PINK1: variants seen among roughly 807,000 people sequenced by gnomAD.
PINK1 encodes the protein PTEN induced kinase 1.
Under a neutral mutation model 56.0 loss-of-function variants are expected in PINK1, and 58 were observed. The observed-to-expected ratio is 1.04, with a 90% CI of 0.84 to 1.29. The LOEUF (loss-of-function observed/expected upper bound fraction) is 1.29. Among genes scored for constraint, PINK1 ranks in the 50% most tolerant of loss-of-function variants. The pLI, the probability that PINK1 is intolerant of heterozygous loss-of-function variation, is 0.00. For synonymous variants in PINK1, 354 were observed against 339.3 expected, an observed-to-expected ratio of 1.04 and a Z score of -0.48; for missense variants, 745 against 777.9, an observed-to-expected ratio of 0.96 and a Z score of 0.50.
At chr1:20,644,750 C>T (rs367882094) in intron 4 of PINK1, 78 bp downstream of exon 4, 18 of 1,547,382 alleles carry the variant, frequency 1.2e-5, no homozygotes, top group East Asian at 9.2e-5. Context: ...CCATGTGCAC[C>T]TTGATCAGGG....
chr1:20,648,096 A>T (rs2053209616), intron 5 of PINK1, among the ~76,000 whole-genome samples: 1 of 152,168 alleles, frequency 6.6e-6, no homozygotes, highest in South Asian at 2.1e-4. Flanking sequence ...ATTACAGGCC[A>T]CCACACCCGG....
chr1:20,637,890 A>G lies in PINK1; in HGVS notation c.436A>G (p.Arg146Gly). ...SKPGPDPLDTRRLQGFRLEEY... is the reference protein window; with the variant it reads ...SKPGPDPLDTGRLQGFRLEEY... ...GCCGGGGCCTGACCCGTTGGACACG[A>G]GACGCTTGCAGGGCTTTCGGCTGGA... Residue 146 changes from arginine (R) to glycine (G), a missense_variant, in exon 2 of 8, where the codon AGA (arginine) becomes GGA (glycine). Arg to Gly is a moderately radical substitution (Grantham distance 125). Transcript: ENST00000321556. The G allele has an allele frequency of 6.2e-7, 1 of 1,614,188 alleles. No homozygotes were observed. Among genetic ancestry groups the G allele is most frequent in the Non-Finnish European group, 8.5e-7 (1 of 1,180,038 alleles).
At chr1:20,646,473 A>G (rs967509596) in intron 5 of PINK1, among the ~76,000 whole-genome samples, 4 of 151,624 alleles carry the variant, frequency 2.6e-5, no homozygotes, top group African/African-American at 7.3e-5. Flanking sequence ...GTGAAACCCC[A>G]TCTCTACTAA....
Position 20,649,500 on chromosome 1 carries a change from T to C in PINK1, c.1488+269T>C. ...TGTTCAGAGGCCAGACACGGTGGCT[T>C]ACACCTATAATCACAGCACTTTGGG... is the stretch of plus-strand genomic sequence containing the variant. On this transcript the variant is annotated intron_variant, in intron 7 of 7. Coordinates refer to ENST00000321556, the MANE Select transcript of PINK1 (RefSeq NM_032409.3). 3 of 469,694 alleles carry C rather than the reference T, an allele frequency of 6.4e-6. 1 individual carries two copies. The South Asian group carries it at 6.5e-5, about 10-fold the overall frequency. 29.1% of individuals were successfully genotyped at this position (469,694 alleles called of 1,614,324 possible).
intron 1 of PINK1, among the ~76,000 whole-genome samples, chr1:20,636,034 G>A (rs2053053316): frequency 6.6e-6 from 1 of 151,860 alleles, no homozygotes; most frequent in Non-Finnish European, 1.5e-5. Context: ...AGGCATGGTG[G>A]CACATGCCGA....
chr1:20,650,884 A>G lies in PINK1; in HGVS notation c.*193A>G. 1 of 727,678 alleles carries G rather than the reference A, an allele frequency of 1.4e-6. No individual in the cohort carries two copies. Among genetic ancestry groups the G allele is most frequent in the Non-Finnish European group, 2.3e-6 (1 of 440,328 alleles). 45.1% of individuals were successfully genotyped at this position (727,678 alleles called of 1,614,324 possible). A position where few individuals can be genotyped will look rare whatever the true frequency, so the allele number is the denominator to read the frequency against. On this transcript the variant is annotated 3_prime_UTR_variant, in exon 8 of 8. Coordinates refer to ENST00000321556, the MANE Select transcript of PINK1 (RefSeq NM_032409.3). Reference sequence around the variant, plus strand: ...AGTCTGCAGTCCTCTGCTCACAGACATCTGAAAAGTGAATGGCCAAGCTGG... The same window carrying G: ...AGTCTGCAGTCCTCTGCTCACAGACGTCTGAAAAGTGAATGGCCAAGCTGG...
At chr1:20,634,061 G>T (rs1175203403) in intron 1 of PINK1, 126 bp downstream of exon 1, 4 of 1,153,656 alleles carry the variant, frequency 3.5e-6, no homozygotes, top group Non-Finnish European at 4.9e-6. Context: ...CCGAGGCGAG[G>T]GTCCTTAAAG....
At chr1:20,647,466 CT>C (rs34054663) in intron 5 of PINK1, among the ~76,000 whole-genome samples, 8,794 of 72,720 alleles carry the variant, frequency 0.12, 120 homozygotes, top group East Asian at 0.26. Flanking sequence ...TGGGAGTTGG[CT>C]TTTTTTTTTT....
At chr1:20,644,159 AC>A (rs776565723) in intron 3 of PINK1, among the ~76,000 whole-genome samples, 11 of 152,166 alleles carry the variant, frequency 7.2e-5, no homozygotes, top group Non-Finnish European at 1.5e-4. Flanking sequence ...CCAAGGACTT[AC>A]AGTGGCAGAC....
intron 7 of PINK1, 159 bp from the exon 8 acceptor site, chr1:20,650,275 G>A (rs1277953218): frequency 3.2e-6 from 3 of 930,694 alleles, no homozygotes; most frequent in Non-Finnish European, 5.0e-6. Flanking sequence ...GCAGGGGACA[G>A]GCAGTATTTG....
At chr1:20,642,967 TC>T (rs2053132410) in intron 3 of PINK1, 1 of 152,242 alleles carries the variant, frequency 6.6e-6, no homozygotes, top group South Asian at 2.1e-4. Flanking sequence ...GGAATTTCCA[TC>T]AGTTACTGAT....
At chr1:20,633,980 C>A in intron 1 of PINK1, 45 bp downstream of exon 1, 2 of 1,296,872 alleles carry the variant, frequency 1.5e-6, no homozygotes, top group East Asian at 3.6e-5. Flanking sequence ...CGGAGCTAAG[C>A]GCGGGGGCGG....
At position 20,650,811 on chromosome 1, in the gene PINK1, C is replaced by T. The variant is rs1369054024; in HGVS notation, c.*120C>T. 14 of 1,351,678 alleles carry T rather than the reference C, an allele frequency of 1.0e-5. No individual in the cohort carries two copies. Among genetic ancestry groups the T allele is most frequent in the African/African-American group, 2.9e-5 (2 of 69,294 alleles). The allele number at this position is 1,351,678 out of a possible 1,614,324, so 83.7% of individuals were successfully genotyped here. ...GACAGCGCAGAGAGGGCTGGTTAGCCGGAAAAGGCCTCGGGCTTGGCAAAT... is the reference window on the plus strand; with the variant it reads ...GACAGCGCAGAGAGGGCTGGTTAGCTGGAAAAGGCCTCGGGCTTGGCAAAT... On this transcript the variant is annotated 3_prime_UTR_variant, in exon 8 of 8. Transcript: ENST00000321556.
Position 20,637,938 on chromosome 1 carries a change from A to G in PINK1, c.484A>G (p.Ile162Val), listed in dbSNP as rs1280351293. The G allele has an allele frequency of 6.2e-7, 1 of 1,614,194 alleles. No individual in the cohort carries two copies. Among genetic ancestry groups the G allele is most frequent in the Non-Finnish European group, 8.5e-7 (1 of 1,180,038 alleles). The change falls in exon 2 of 8, where the codon ATT (isoleucine) becomes GTT (valine). Residue 162 changes from isoleucine (I) to valine (V), a missense_variant. Ile to Val is a conservative substitution (Grantham distance 29). Transcript: ENST00000321556. ...RLEEYLIGQS[I>V]GKGCSAAVYE... Reference sequence around the variant, plus strand: ...GGAGGAGTATCTGATAGGGCAGTCCATTGGTAAGGGCTGCAGTGCTGCTGT... The same window carrying G: ...GGAGGAGTATCTGATAGGGCAGTCCGTTGGTAAGGGCTGCAGTGCTGCTGT...
chr1:20,648,450 C>T, intron 5 of PINK1, 55 bp from the exon 6 acceptor site: 1 of 1,610,984 alleles, frequency 6.2e-7, no homozygotes, highest in Middle Eastern at 1.7e-4. Context: ...CATAGGAGGG[C>T]CTCTCAGAGG....
intron 7 of PINK1, chr1:20,649,670 C>T (rs545426): frequency 0.39 from 75,529 of 195,144 alleles, 14,764 homozygotes; most frequent in Admixed American, 0.42. Flanking sequence ...GAGGCTGAAG[C>T]AGGAGAATCG....
Position 20,649,247 on chromosome 1 carries a change from G to C in PINK1, c.1488+16G>C. On this transcript the variant is annotated intron_variant, in intron 7 of 7. Transcript: ENST00000321556. ...GGCCAGCAAGGTGAGGCTGTCCCCG[G>C]CTTCGAGGGGACGGTGTGGGTAGAA... The C allele has an allele frequency of 6.2e-7, 1 of 1,611,548 alleles. No homozygotes were observed. The highest frequency in any genetic ancestry group is 8.5e-7 in the Non-Finnish European group (1 of 1,177,776).
chr1:20,645,034 A>G (rs2053160880), intron 4 of PINK1, among the ~76,000 whole-genome samples: 1 of 152,180 alleles, frequency 6.6e-6, no homozygotes, highest in Admixed American at 6.5e-5. Flanking sequence ...ATTTTAAGGA[A>G]ATAATTATCT....
At position 20,649,125 on chromosome 1, in the gene PINK1, T is replaced by G. The variant is rs144440543; in HGVS notation, c.1382T>G (p.Leu461Arg). ...NPFYGQGKAHLESRSYQEAQL... is the reference protein window; with the variant it reads ...NPFYGQGKAHRESRSYQEAQL... ...TTCTACGGCCAGGGCAAGGCCCACCTTGAAAGCCGCAGCTACCAAGAGGCT... is the reference window on the plus strand; with the variant it reads ...TTCTACGGCCAGGGCAAGGCCCACCGTGAAAGCCGCAGCTACCAAGAGGCT... The change falls in exon 7 of 8, where the codon CTT becomes CGT. Residue 461 changes from leucine (L) to arginine (R), a missense_variant. Physicochemically the swap from Leu to Arg is moderately radical, Grantham distance 102 (BLOSUM62 -2). Coordinates refer to ENST00000321556, the MANE Select transcript of PINK1 (RefSeq NM_032409.3). The G allele has an allele frequency of 1.2e-4, 199 of 1,614,116 alleles. No homozygotes were observed. The highest frequency in any genetic ancestry group is 1.5e-4 in the Non-Finnish European group (182 of 1,180,040).
Sources: allele counts gnomAD v4.1 joint callset (sites outside exome capture counted in the v4.1 genomes callset), GRCh38; gene constraint gnomAD v4.1.1; transcripts MANE v1.5; gene names NCBI Gene and HGNC (gene_info 2026-07-23, HGNC 2026-07-21).